GALNTL6: variants seen among roughly 807,000 people sequenced by gnomAD.
The protein encoded by GALNTL6 is polypeptide N-acetylgalactosaminyltransferase like 6, also known as polypeptide N-acetylgalactosaminyltransferase-like 6.
GALNTL6 carries 46 observed loss-of-function variants against 73.7 expected under a neutral mutation model. The observed-to-expected ratio is 0.62, with a 90% CI of 0.49 to 0.80. The LOEUF is 0.80. GALNTL6 is among the 30% of genes least tolerant of loss of function. The probability of loss-of-function intolerance (pLI) is 0.00; values close to 1 mark genes in which losing one functional copy is unlikely to be tolerated. For missense variants in GALNTL6, 604 were observed against 755.0 expected, an observed-to-expected ratio of 0.80 and a Z score of 2.34; for synonymous variants, 259 against 263.7, an observed-to-expected ratio of 0.98 and a Z score of 0.17.
At chr4:172,899,677 T>C (rs758049935) in intron 8 of GALNTL6, among the ~76,000 whole-genome samples, 4 of 152,028 alleles carry the variant, frequency 2.6e-5, no homozygotes, top group Non-Finnish European at 4.4e-5. Context: ...ACCCGTAGAG[T>C]ACAGTGAAAG....
At chr4:171,951,731 A>G (rs1157963828) in intron 2 of GALNTL6, among the ~76,000 whole-genome samples, 1 of 152,054 alleles carries the variant, frequency 6.6e-6, no homozygotes, top group Non-Finnish European at 1.5e-5. Flanking sequence ...TGCGGAAAAA[A>G]TTGCTGGAAA....
chr4:171,857,364 A>C (rs1274970559), intron 2 of GALNTL6, among the ~76,000 whole-genome samples: 1 of 152,152 alleles, frequency 6.6e-6, no homozygotes, highest in Non-Finnish European at 1.5e-5. Context: ...TTATAGAGCA[A>C]ATAGTAGGAA....
At chr4:172,319,821 G>A (rs1415312666) in intron 4 of GALNTL6, among the ~76,000 whole-genome samples, 2 of 152,072 alleles carry the variant, frequency 1.3e-5, no homozygotes, top group Non-Finnish European at 2.9e-5. Context: ...AAATATCTAA[G>A]TCTCTGGAAA....
Position 172,740,002 on chromosome 4 carries a change from C to T in GALNTL6, c.554-69359C>T, listed in dbSNP as rs146375990. Among the ~76,000 whole-genome samples, 519 of 151,924 alleles carry T rather than the reference C, an allele frequency of 3.4e-3. 7 individuals are homozygous for T. Among genetic ancestry groups the T allele is most frequent in the African/African-American group, 0.012 (477 of 41,430 alleles). On this transcript the variant is annotated intron_variant, in intron 5 of 12. Coordinates refer to ENST00000506823, the MANE Select transcript of GALNTL6 (RefSeq NM_001034845.3). ...TAATTTTCAGAGGCACCATATCTTACTGATAATAAAAGCCAAAGCCTTTGT... is the reference window on the plus strand; with the variant it reads ...TAATTTTCAGAGGCACCATATCTTATTGATAATAAAAGCCAAAGCCTTTGT...
chr4:172,008,095 C>A (rs952639382), intron 2 of GALNTL6, among the ~76,000 whole-genome samples: 1 of 152,034 alleles, frequency 6.6e-6, no homozygotes. Flanking sequence ...TAAAGAGAAT[C>A]AAGGTTTATT....
chr4:172,885,430 G>T (rs187723421), intron 8 of GALNTL6, among the ~76,000 whole-genome samples: 1 of 152,184 alleles, frequency 6.6e-6, no homozygotes, highest in East Asian at 1.9e-4. Flanking sequence ...CAACTTTATA[G>T]AATTAATTTA....
intron 11 of GALNTL6, among the ~76,000 whole-genome samples, chr4:173,012,010 C>G (rs1314129199): frequency 2.0e-5 from 3 of 152,158 alleles, no homozygotes; most frequent in Non-Finnish European, 4.4e-5. Context: ...CTCAAGCGAT[C>G]CTCTTGCCTC....
At position 171,942,269 on chromosome 4, in the gene GALNTL6, T is replaced by TAAATAAATAAATAAATAAATAA. The variant is rs1423565851; in HGVS notation, c.138+127553_138+127554insATAAATAAATAAATAAATAAAA. Among the ~76,000 whole-genome samples, 204 of 144,216 alleles carry TAAATAAATAAATAAATAAATAA rather than the reference T, an allele frequency of 1.4e-3. 1 individual carries two copies. Among genetic ancestry groups the TAAATAAATAAATAAATAAATAA allele is most frequent in the Admixed American group, 1.9e-3 (27 of 14,320 alleles). The allele number at this position is 144,216 out of a possible 152,430, so 94.6% of individuals were successfully genotyped here. On this transcript the variant is annotated intron_variant, in intron 2 of 12. Coordinates refer to ENST00000506823, the MANE Select transcript of GALNTL6 (RefSeq NM_001034845.3). ...AAATAAATAAATAAATAAATAAATATAATATACAGAACTGTAAAGACAGAG... is the reference window on the plus strand; with the variant it reads ...AAATAAATAAATAAATAAATAAATATAAATAAATAAATAAATAAATAAAATATACAGAACTGTAAAGACAGAG...
At chr4:172,532,013 A>C (rs1362904376) in intron 5 of GALNTL6, among the ~76,000 whole-genome samples, 1 of 152,156 alleles carries the variant, frequency 6.6e-6, no homozygotes, top group East Asian at 1.9e-4. Context: ...GGGTGGGAGT[A>C]GGTTTCTTCT....
chr4:172,442,109 G>T (rs1227948498), intron 5 of GALNTL6, among the ~76,000 whole-genome samples: 3 of 152,120 alleles, frequency 2.0e-5, no homozygotes, highest in Non-Finnish European at 2.9e-5. Flanking sequence ...GTGTTCATCA[G>T]TTGATGAAGA....
Position 172,501,212 on chromosome 4 carries a change from A to ACTGGGTAAAGGG in GALNTL6, c.553+152524_553+152535dup, listed in dbSNP as rs1372101778. On this transcript the variant is annotated intron_variant, in intron 5 of 12. Transcript: ENST00000506823. ...ATGCAAGATGTTACCATTTGGAGAA[A>ACTGGGTAAAGGG]CTGGGTAAAGGGTATGTGAAATTTC... 2.0e-5 allele frequency among the ~76,000 whole-genome samples: 3 copies of ACTGGGTAAAGGG among 152,352 alleles called. No homozygotes were observed. In the East Asian group the frequency reaches 5.8e-4, roughly 29 times the overall value.
In GALNTL6 at chr4:171,876,225, T is replaced by A. The variant is rs117154314; in HGVS notation, c.138+61507T>A. Among the ~76,000 whole-genome samples, 13 of 152,318 alleles carry A rather than the reference T, an allele frequency of 8.5e-5. 1 individual carries two copies. The East Asian group carries it at 2.5e-3, about 29-fold the overall frequency. On this transcript the variant is annotated intron_variant, in intron 2 of 12. Coordinates refer to ENST00000506823, the MANE Select transcript of GALNTL6 (RefSeq NM_001034845.3). The stretch of plus-strand genomic sequence containing the variant: ...TCATGTGCTATGGAACAGATTCTGA[T>A]ATTTTAATTATCTCAGTTTGATGTT...
chr4:173,014,770 T>C (rs1752709324), intron 11 of GALNTL6, among the ~76,000 whole-genome samples: 1 of 152,218 alleles, frequency 6.6e-6, no homozygotes, highest in African/African-American at 2.4e-5. Flanking sequence ...ATAAGTGTAT[T>C]GGCAGTACCA....
In GALNTL6 at chr4:172,516,154, T is replaced by C. The variant is rs1411499663; in HGVS notation, c.553+167465T>C. Among the ~76,000 whole-genome samples the C allele has an allele frequency of 2.0e-5, 3 of 152,196 alleles. No homozygotes were observed. The East Asian group carries it at 5.8e-4, about 29-fold the overall frequency. On this transcript the variant is annotated intron_variant, in intron 5 of 12. Transcript: ENST00000506823. Reference sequence around the variant, plus strand: ...TTAATCTATTAATACAGAAATCTTGTTTTCAATGTTAGCTATGTAAATGCT... The same window carrying C: ...TTAATCTATTAATACAGAAATCTTGCTTTCAATGTTAGCTATGTAAATGCT...
At chr4:172,397,449 T>C (rs1482504829) in intron 5 of GALNTL6, among the ~76,000 whole-genome samples, 1 of 152,116 alleles carries the variant, frequency 6.6e-6, no homozygotes, top group Non-Finnish European at 1.5e-5. Flanking sequence ...TCAAGGACCT[T>C]TTGAGTTGAG....
chr4:172,674,619 T>C (rs918445259), intron 5 of GALNTL6, among the ~76,000 whole-genome samples: 1 of 152,292 alleles, frequency 6.6e-6, no homozygotes, highest in African/African-American at 2.4e-5. Context: ...ATAGATTTGA[T>C]CTCTTTCCAT....
intron 5 of GALNTL6, among the ~76,000 whole-genome samples, chr4:172,456,650 G>GA (rs1732410129): frequency 6.6e-6 from 1 of 151,744 alleles, no homozygotes; most frequent in Non-Finnish European, 1.5e-5. Context: ...CAAGATTAGA[G>GA]AAAAAATAAT....
In GALNTL6 at chr4:171,989,055, T is replaced by C. The variant is rs190325676; in HGVS notation, c.138+174337T>C. Among the ~76,000 whole-genome samples, 692 of 151,642 alleles carry C rather than the reference T, an allele frequency of 4.6e-3. 2 individuals carry two copies. Among genetic ancestry groups the C allele is most frequent in the Middle Eastern group, 0.02 (6 of 294 alleles). On this transcript the variant is annotated intron_variant, in intron 2 of 12. Coordinates refer to ENST00000506823, the MANE Select transcript of GALNTL6 (RefSeq NM_001034845.3). ...AACTAAAAAGGAGTGCTTAAAAGAGTATTGTCTAAGTTGGCACCAGAGTTG... is the reference window on the plus strand; with the variant it reads ...AACTAAAAAGGAGTGCTTAAAAGAGCATTGTCTAAGTTGGCACCAGAGTTG...
chr4:172,550,990 A>G lies in GALNTL6; in HGVS notation c.553+202301A>G, dbSNP rs184187639. Among the ~76,000 whole-genome samples, 11 of 152,324 alleles carry G rather than the reference A, an allele frequency of 7.2e-5. No homozygotes were observed. In the East Asian group the frequency reaches 2.1e-3, roughly 29 times the overall value. On this transcript the variant is annotated intron_variant, in intron 5 of 12. Transcript: ENST00000506823. ...CCGCAGGAGATACTAAACTGTGGACAGGGTTGAGAACTTCTTATTGGGCAT... is the reference window on the plus strand; with the variant it reads ...CCGCAGGAGATACTAAACTGTGGACGGGGTTGAGAACTTCTTATTGGGCAT...
Sources: allele counts gnomAD v4.1 joint callset (sites outside exome capture counted in the v4.1 genomes callset), GRCh38; gene constraint gnomAD v4.1.1; transcripts MANE v1.5; gene names NCBI Gene and HGNC (gene_info 2026-07-23, HGNC 2026-07-21).